The following NRG3 variants were observed in gnomAD, a reference collection of about 807,000 sequenced individuals.
The protein encoded by NRG3 is pro-neuregulin-3, membrane-bound isoform.
Under a neutral mutation model 66.9 loss-of-function variants are expected in NRG3, and 31 were observed. The observed-to-expected ratio is 0.46, with a 90% CI of 0.35 to 0.63. The LOEUF (loss-of-function observed/expected upper bound fraction) is 0.63. Among genes scored for constraint, NRG3 ranks in the 20% least tolerant of loss-of-function variants. The pLI is 0.00. For missense variants in NRG3, 910 were observed against 878.9 expected, an observed-to-expected ratio of 1.04 and a Z score of -0.45; for synonymous variants, 393 against 359.4, an observed-to-expected ratio of 1.09 and a Z score of -1.06.
intron 1 of NRG3, among the ~76,000 whole-genome samples, chr10:82,303,250 C>T (rs1280666017): frequency 6.6e-6 from 1 of 151,942 alleles, no homozygotes; most frequent in African/African-American, 2.4e-5. Flanking sequence ...TAAGATTATC[C>T]TGTCATTACA....
intron 4 of NRG3, among the ~76,000 whole-genome samples, chr10:82,950,852 C>T (rs1052412655): frequency 5.3e-5 from 8 of 152,206 alleles, no homozygotes; most frequent in East Asian, 3.9e-4. Context: ...TTGTCATTTT[C>T]GTGATAAGCT....
intron 4 of NRG3, among the ~76,000 whole-genome samples, chr10:82,873,000 G>T (rs970608905): frequency 1.3e-5 from 2 of 152,014 alleles, no homozygotes; most frequent in South Asian, 4.2e-4. Context: ...TAACCAAAAA[G>T]GTTTTTGAGT....
At chr10:82,788,972 T>G (rs932118423) in intron 3 of NRG3, among the ~76,000 whole-genome samples, 4 of 152,176 alleles carry the variant, frequency 2.6e-5, no homozygotes, top group African/African-American at 9.6e-5. Flanking sequence ...ATTTGTGCTA[T>G]GAACATTCAT....
chr10:82,010,833 G>A (rs1013024123), intron 1 of NRG3, among the ~76,000 whole-genome samples: 4 of 152,142 alleles, frequency 2.6e-5, no homozygotes, highest in African/African-American at 9.7e-5. Context: ...CTGCAGGGAT[G>A]TGCCTCTTTT....
chr10:81,913,493 G>A (rs537131538), intron 1 of NRG3, among the ~76,000 whole-genome samples: 2 of 151,196 alleles, frequency 1.3e-5, no homozygotes, highest in Non-Finnish European at 2.9e-5. Context: ...GTGTGTTCTC[G>A]GCTCACTGCA....
chr10:82,556,178 C>G (rs533017688), intron 2 of NRG3, among the ~76,000 whole-genome samples: 1 of 152,284 alleles, frequency 6.6e-6, no homozygotes, highest in African/African-American at 2.4e-5. Context: ...CTGTATTTCA[C>G]AATCTAACTT....
intron 2 of NRG3, among the ~76,000 whole-genome samples, chr10:82,545,771 A>G (rs1321891210): frequency 1.4e-5 from 2 of 146,926 alleles, no homozygotes; most frequent in African/African-American, 5.0e-5. Context: ...ATCGTAATAT[A>G]TAATATCAAC....
intron 1 of NRG3, among the ~76,000 whole-genome samples, chr10:82,235,425 C>A (rs1406118157): frequency 6.6e-6 from 1 of 152,164 alleles, no homozygotes; most frequent in East Asian, 1.9e-4. Flanking sequence ...TCTATTTATA[C>A]ATTATTAATT....
chr10:82,271,472 T>C (rs1172237055), intron 1 of NRG3, among the ~76,000 whole-genome samples: 1 of 152,128 alleles, frequency 6.6e-6, no homozygotes, highest in East Asian at 1.9e-4. Flanking sequence ...TTCTTATGAA[T>C]GTTGTATGGA....
Position 82,873,299 on chromosome 10 carries a change from A to T in NRG3, c.1054+7862A>T, listed in dbSNP as rs866221827. 1.8e-4 allele frequency among the ~76,000 whole-genome samples: 28 copies of T among 152,322 alleles called. No homozygotes were observed. The Middle Eastern group carries it at 0.01, about 56-fold the overall frequency. ...TTGAAACAAAGAGAGTTGATAGAAA[A>T]TCAGTAACCAAAAATATATATCTTA... On this transcript the variant is annotated intron_variant, in intron 4 of 8. Transcript: ENST00000372141.
intron 2 of NRG3, among the ~76,000 whole-genome samples, chr10:82,545,870 C>T (rs1299216703): frequency 6.8e-6 from 1 of 147,368 alleles, no homozygotes; most frequent in African/African-American, 2.5e-5. Flanking sequence ...TCACTGCAAG[C>T]TCCTCCTCCC....
At chr10:82,861,219 T>C (rs2064109667) in intron 3 of NRG3, among the ~76,000 whole-genome samples, 1 of 152,242 alleles carries the variant, frequency 6.6e-6, no homozygotes, top group Admixed American at 6.5e-5. Flanking sequence ...ATAATTTACA[T>C]GAGAGTTAAC....
intron 1 of NRG3, among the ~76,000 whole-genome samples, chr10:82,069,777 A>C (rs2064698780): frequency 6.6e-6 from 1 of 152,230 alleles, no homozygotes; most frequent in Admixed American, 6.5e-5. Flanking sequence ...ATAAGCTTTT[A>C]GAAAACTGCT....
In NRG3 at chr10:81,901,810, A is replaced by G. The variant is rs561762972; in HGVS notation, c.823+25647A>G. On this transcript the variant is annotated intron_variant, in intron 1 of 8. Coordinates refer to ENST00000372141, the MANE Select transcript of NRG3 (RefSeq NM_001010848.4). ...TAGTTAACTCTAAGGTTATGAGGAG[A>G]GATTGTGGGACTTGGAGGAAAGGTT... Among the ~76,000 whole-genome samples the G allele has an allele frequency of 1.1e-3, 169 of 152,308 alleles. 1 individual carries two copies. Among genetic ancestry groups the G allele is most frequent in the African/African-American group, 3.8e-3 (158 of 41,570 alleles).
chr10:82,188,745 AC>A lies in NRG3; in HGVS notation c.824-169993del, dbSNP rs1448012665. On this transcript the variant is annotated intron_variant, in intron 1 of 8. Transcript: ENST00000372141. ...CATCAAAGAAGTGCACATTAAAACTACAATGAGATAGAAGGTGGTGTACCAG... is the reference window on the plus strand; with the variant it reads ...CATCAAAGAAGTGCACATTAAAACTAAATGAGATAGAAGGTGGTGTACCAG... Among the ~76,000 whole-genome samples, 3 of 152,280 alleles carry A rather than the reference AC, an allele frequency of 2.0e-5. No homozygotes were observed. The East Asian group carries it at 5.8e-4, about 29-fold the overall frequency.
chr10:82,471,112 A>G (rs1381395058), intron 2 of NRG3, among the ~76,000 whole-genome samples: 1 of 152,114 alleles, frequency 6.6e-6, no homozygotes, highest in Non-Finnish European at 1.5e-5. Context: ...ACCATGAAAG[A>G]TTAGGCACAC....
chr10:82,338,751 C>T (rs2082521981), intron 1 of NRG3, among the ~76,000 whole-genome samples: 1 of 152,200 alleles, frequency 6.6e-6, no homozygotes. Flanking sequence ...CTTCTTTTCT[C>T]ATTTAGGCTT....
At chr10:82,836,491 A>G (rs1376647438) in intron 3 of NRG3, among the ~76,000 whole-genome samples, 1 of 152,126 alleles carries the variant, frequency 6.6e-6, no homozygotes, top group Non-Finnish European at 1.5e-5. Flanking sequence ...TAAATTTTCA[A>G]CTCGGCTGTC....
rs557128542 is a variant in NRG3 at position 82,047,988 on chromosome 10, A to G, written c.823+171825A>G. Among the ~76,000 whole-genome samples the G allele has an allele frequency of 1.8e-4, 28 of 151,972 alleles. No individual in the cohort carries two copies. The East Asian group carries it at 5.4e-3, about 30-fold the overall frequency. The stretch of plus-strand genomic sequence containing the variant: ...AACAGAGTTTAAACCAACAAAGATC[A>G]AAAGAGACAAAGAAGGCCATTACAT... On this transcript the variant is annotated intron_variant, in intron 1 of 8. Transcript: ENST00000372141.
Sources: gnomAD v4.1 joint callset for allele counts (sites outside exome capture counted in the v4.1 genomes callset) on GRCh38, gnomAD v4.1.1 for gene constraint, MANE v1.5 for transcripts, NCBI Gene and HGNC (gene_info 2026-07-23, HGNC 2026-07-21) for gene names.